SLC7A6: variants seen among roughly 807,000 people sequenced by gnomAD.
SLC7A6 encodes the protein Y+L amino acid transporter 2.
SLC7A6 carries 29 observed loss-of-function variants against 46.6 expected under a neutral mutation model. That is an observed-to-expected ratio of 0.62 (90% CI 0.46 to 0.85). SLC7A6 has a LOEUF of 0.85. SLC7A6 is among the 40% of genes least tolerant of loss of function. The pLI is 0.00. For missense variants in SLC7A6, 527 were observed against 647.6 expected, an observed-to-expected ratio of 0.81 and a Z score of 2.02; for synonymous variants, 276 against 257.3, an observed-to-expected ratio of 1.07 and a Z score of -0.70.
At chr16:68,286,541 T>C (rs1020399560) in intron 3 of SLC7A6, among the ~76,000 whole-genome samples, 2 of 152,072 alleles carry the variant, frequency 1.3e-5, no homozygotes, top group African/African-American at 4.8e-5. Flanking sequence ...GTAGTAAGAT[T>C]TGAGGTGCAC....
Position 68,301,044 on chromosome 16 carries a change from A to G in SLC7A6, c.*3716A>G, listed in dbSNP as rs1217366667. On this transcript the variant is annotated 3_prime_UTR_variant, in exon 11 of 11. Transcript: ENST00000219343. The stretch of plus-strand genomic sequence containing the variant: ...TTTTCAACGTTTTTTTTTCTTTCAA[A>G]CTGTAGGGTCACTTTTGATTGAGGC... 3.3e-6 allele frequency: 4 copies of G among 1,197,144 alleles called. No individual in the cohort carries two copies. The African/African-American group carries it at 6.3e-5, about 19-fold the overall frequency. The allele number at this position is 1,197,144 out of a possible 1,614,324, so 74.2% of individuals were successfully genotyped here. A position where few individuals can be genotyped will look rare whatever the true frequency, so the allele number is the denominator to read the frequency against.
Position 68,300,543 on chromosome 16 carries a change from T to C in SLC7A6, c.*3215T>C, listed in dbSNP as rs753346635. 34 of 887,776 alleles carry C rather than the reference T, an allele frequency of 3.8e-5. No individual in the cohort carries two copies. The highest frequency in any genetic ancestry group is 5.2e-5 in the South Asian group (1 of 19,326). 55.0% of individuals were successfully genotyped at this position (887,776 alleles called of 1,614,324 possible). ...AGTCCTTGGTATTTATAATCAATGC[T>C]GAACCTTCTATTTCACTACCGCTCC... is the stretch of plus-strand genomic sequence containing the variant. On this transcript the variant is annotated 3_prime_UTR_variant, in exon 11 of 11. Transcript: ENST00000219343.
chr16:68,298,555 G>C lies in SLC7A6; in HGVS notation c.*1227G>C, dbSNP rs919154765. On this transcript the variant is annotated 3_prime_UTR_variant, in exon 11 of 11. Coordinates refer to ENST00000219343, the MANE Select transcript of SLC7A6 (RefSeq NM_003983.6). ...GGGACAGTGTACTCCTCTCCTGCCA[G>C]CCTCCCCTTCCCCGAGGTGTGGTGG... 6 of 152,332 alleles carry C rather than the reference G, an allele frequency of 3.9e-5. No individual in the cohort carries two copies. The highest frequency in any genetic ancestry group is 1.4e-4 in the African/African-American group (6 of 41,470). The allele number at this position is 152,332 out of a possible 1,614,324, so 9.4% of individuals were successfully genotyped here. A position where few individuals can be genotyped will look rare whatever the true frequency, so the allele number is the denominator to read the frequency against.
intron 3 of SLC7A6, among the ~76,000 whole-genome samples, chr16:68,279,693 C>T (rs2042794861): frequency 6.6e-6 from 1 of 152,142 alleles, no homozygotes; most frequent in Non-Finnish European, 1.5e-5. Context: ...TGCAAGCTAC[C>T]ATGCCTGGCT....
Position 68,291,203 on chromosome 16 carries a change from T to G in SLC7A6, c.795-6T>G, listed in dbSNP as rs2043043281. The G allele has an allele frequency of 6.2e-7, 1 of 1,614,122 alleles. No homozygotes were observed. Among genetic ancestry groups the G allele is most frequent in the Admixed American group, 1.7e-5 (1 of 60,008 alleles). On this transcript the variant is annotated splice_region_variant and splice_polypyrimidine_tract_variant and intron_variant, in intron 5 of 10. Transcript: ENST00000219343. Reference sequence around the variant, plus strand: ...CTAGGTAGTCCTTTCTCACTTGTCCTGACAGAAATTTGCCCTTGGCCATTG... The same window carrying G: ...CTAGGTAGTCCTTTCTCACTTGTCCGGACAGAAATTTGCCCTTGGCCATTG...
rs2043272046 is a variant in SLC7A6 at position 68,301,384 on chromosome 16, A to G, written c.*4056A>G. The G allele has an allele frequency of 6.2e-7, 1 of 1,613,900 alleles. No individual in the cohort carries two copies. Among genetic ancestry groups the G allele is most frequent in the African/African-American group, 1.3e-5 (1 of 74,888 alleles). ...GCTGCTGCCTCTTTCCTCCTCACTC[A>G]GGCTGTTGTAGTCAGCAGAGCCTAG... On this transcript the variant is annotated 3_prime_UTR_variant, in exon 11 of 11. Coordinates refer to ENST00000219343, the MANE Select transcript of SLC7A6 (RefSeq NM_003983.6).
At chr16:68,266,076 T>C (rs1010932177) in intron 1 of SLC7A6, among the ~76,000 whole-genome samples, 1 of 151,874 alleles carries the variant, frequency 6.6e-6, no homozygotes, top group African/African-American at 2.4e-5. Flanking sequence ...CTGGCTAACA[T>C]GGTGAAATCC....
chr16:68,284,282 G>A (rs77151487), intron 3 of SLC7A6: 6,478 of 152,204 alleles, frequency 0.043, 163 homozygotes, highest in Middle Eastern at 0.14. Flanking sequence ...TCTTTGCGTC[G>A]TTCCAATTTT....
intron 3 of SLC7A6, among the ~76,000 whole-genome samples, chr16:68,276,919 C>T (rs757621430): frequency 2.0e-5 from 3 of 151,558 alleles, no homozygotes; most frequent in Non-Finnish European, 2.9e-5. Flanking sequence ...CTCTTGAGCC[C>T]GGGAAGTCGA....
chr16:68,284,859 C>CCTT (rs1555531478), intron 3 of SLC7A6, among the ~76,000 whole-genome samples: 1 of 95,646 alleles, frequency 1.0e-5, no homozygotes, highest in African/African-American at 4.6e-5. Flanking sequence ...ATTTTCTCGT[C>CCTT]TTTTTTTTTT....
At chr16:68,269,768 G>C (rs2042593463) in intron 2 of SLC7A6, among the ~76,000 whole-genome samples, 1 of 143,922 alleles carries the variant, frequency 6.9e-6, no homozygotes, top group African/African-American at 2.6e-5. Context: ...AAAAAAAAAA[G>C]AAAGAAAAAA....
chr16:68,289,102 G>A (rs2042995704), intron 4 of SLC7A6, among the ~76,000 whole-genome samples: 1 of 151,772 alleles, frequency 6.6e-6, no homozygotes, highest in Admixed American at 6.6e-5. Flanking sequence ...GACCAGCCTG[G>A]CCAACATGGA....
At chr16:68,276,038 T>G (rs1409886943) in intron 3 of SLC7A6, among the ~76,000 whole-genome samples, 1 of 152,054 alleles carries the variant, frequency 6.6e-6, no homozygotes, top group African/African-American at 2.4e-5. Context: ...ACTGTGGGAG[T>G]CCTACGGTGT....
intron 1 of SLC7A6, among the ~76,000 whole-genome samples, chr16:68,265,247 C>T (rs2151210514): frequency 6.6e-6 from 1 of 152,338 alleles, no homozygotes. Context: ...GTGATTATGG[C>T]TCTTTTGAGC....
At chr16:68,279,488 T>C (rs552475124) in intron 3 of SLC7A6, among the ~76,000 whole-genome samples, 28 of 152,362 alleles carry the variant, frequency 1.8e-4, no homozygotes, top group African/African-American at 6.5e-4. Flanking sequence ...AGCTTTATCA[T>C]TGACCAACTG....
intron 4 of SLC7A6, 58 bp downstream of exon 4, chr16:68,287,929 A>G: frequency 1.3e-6 from 2 of 1,592,988 alleles, no homozygotes; most frequent in Non-Finnish European, 1.7e-6. Flanking sequence ...TGAGGAGAAC[A>G]TGGCGACTCT....
rs1164845383 is a variant in SLC7A6 at position 68,275,049 on chromosome 16, C to A, written c.323C>A (p.Ser108Ter). ...GAGCTGGGGACCACCATCACCAAGT[C>A]GGGAGCCAGCTACGCTTATATTCTA... The part of the protein sequence containing the change: ...YAELGTTITK[S>*]GASYAYILEA... Residue 108 changes from serine to a stop codon, truncating the protein, a stop_gained, in exon 3 of 11, where the codon TCG (serine) becomes TAG (stop). Coordinates refer to ENST00000219343, the MANE Select transcript of SLC7A6 (RefSeq NM_003983.6). LOFTEE classifies it high-confidence loss of function. 1.2e-6 allele frequency: 2 copies of A among 1,614,164 alleles called. No homozygotes were observed. The highest frequency in any genetic ancestry group is 1.7e-6 in the Non-Finnish European group (2 of 1,180,022).
At chr16:68,281,548 T>G (rs551346331) in intron 3 of SLC7A6, among the ~76,000 whole-genome samples, 2 of 152,328 alleles carry the variant, frequency 1.3e-5, no homozygotes, top group Admixed American at 1.3e-4. Context: ...TGGAATCTTA[T>G]GTGGTGAGGC....
At position 68,300,924 on chromosome 16, in the gene SLC7A6, A is replaced by G. The variant is rs1185597016; in HGVS notation, c.*3596A>G. 5 of 1,001,944 alleles carry G rather than the reference A, an allele frequency of 5.0e-6. No individual in the cohort carries two copies. Among genetic ancestry groups the G allele is most frequent in the Non-Finnish European group, 5.9e-6 (5 of 840,778 alleles). The allele number at this position is 1,001,944 out of a possible 1,614,324, so 62.1% of individuals were successfully genotyped here. A position where few individuals can be genotyped will look rare whatever the true frequency, so the allele number is the denominator to read the frequency against. On this transcript the variant is annotated 3_prime_UTR_variant, in exon 11 of 11. Coordinates refer to ENST00000219343, the MANE Select transcript of SLC7A6 (RefSeq NM_003983.6). ...ACAGCAGAAGCTTACTGCTAATGAAATGGGAACCTCCCCCTCCCTTGTGGT... is the reference window on the plus strand; with the variant it reads ...ACAGCAGAAGCTTACTGCTAATGAAGTGGGAACCTCCCCCTCCCTTGTGGT...
Sources: gnomAD v4.1 joint callset for allele counts (sites outside exome capture counted in the v4.1 genomes callset) on GRCh38, gnomAD v4.1.1 for gene constraint, MANE v1.5 for transcripts, NCBI Gene and HGNC (gene_info 2026-07-23, HGNC 2026-07-21) for gene names.